Variants in DPH6 observed in about 807,000 individuals in gnomAD.
DPH6 encodes the protein diphthine--ammonia ligase.
In DPH6, 33 loss-of-function variants were observed where a neutral mutation model predicts 38.2. That is an observed-to-expected ratio of 0.86 (90% CI 0.65 to 1.15). DPH6 has a LOEUF of 1.15. DPH6 is among the 50% of genes most tolerant of loss of function. DPH6 has a pLI of 0.00. For synonymous variants in DPH6, 108 were observed against 103.0 expected (o/e 1.05, Z -0.30); for missense variants, 325 against 320.0 (o/e 1.02, Z -0.12).
At chr15:35,318,322 A>G (rs2052210915) in intron 3 of DPH6, among the ~76,000 whole-genome samples, 1 of 152,166 alleles carries the variant, frequency 6.6e-6, no homozygotes, top group African/African-American at 2.4e-5. Context: ...TTGATTTCAC[A>G]TATCTTCAAA....
At chr15:35,325,567 A>G (rs2052275802) in intron 3 of DPH6, among the ~76,000 whole-genome samples, 1 of 152,160 alleles carries the variant, frequency 6.6e-6, no homozygotes, top group Non-Finnish European at 1.5e-5. Context: ...ATCCATAAAA[A>G]TCAGCTGGGG....
At chr15:35,223,241 A>G (rs1397307382) in intron 3 of DPH6, among the ~76,000 whole-genome samples, 1 of 152,160 alleles carries the variant, frequency 6.6e-6, no homozygotes, top group Non-Finnish European at 1.5e-5. Context: ...ATGGTAGAAG[A>G]GCAAAAAGAG....
At chr15:35,504,959 C>T (rs1211706263) in intron 3 of DPH6, among the ~76,000 whole-genome samples, 1 of 152,024 alleles carries the variant, frequency 6.6e-6, no homozygotes, top group African/African-American at 2.4e-5. Flanking sequence ...CATGAATAGC[C>T]ATCAAATTAT....
downstream of DPH6, among the ~76,000 whole-genome samples, chr15:35,216,408 T>C (rs565293889): frequency 7.9e-5 from 12 of 152,222 alleles, no homozygotes; most frequent in Non-Finnish European, 1.6e-4. Flanking sequence ...TAATTTTTTC[T>C]TCAACTCTGA....
chr15:35,520,220 C>CAAAAA (rs1353792195), intron 3 of DPH6: 16 of 445,196 alleles, frequency 3.6e-5, no homozygotes, highest in Admixed American at 4.6e-4. Flanking sequence ...AAACATGCTA[C>CAAAAA]AAAAAAAAAC....
intron 5 of DPH6, among the ~76,000 whole-genome samples, chr15:35,447,253 T>A (rs1331589484): frequency 2.6e-5 from 4 of 152,150 alleles, no homozygotes; most frequent in Non-Finnish European, 5.9e-5. Flanking sequence ...GCATCAAATT[T>A]GAGAGAGATA....
chr15:35,529,886 C>T (rs187649709), intron 3 of DPH6, among the ~76,000 whole-genome samples: 23 of 151,772 alleles, frequency 1.5e-4, no homozygotes, highest in Non-Finnish European at 2.2e-4. Flanking sequence ...CCTATTAAAC[C>T]ATTTCTAACC....
chr15:35,355,506 G>A (rs1352201058), intron 3 of DPH6, among the ~76,000 whole-genome samples: 2 of 152,122 alleles, frequency 1.3e-5, no homozygotes, highest in African/African-American at 4.8e-5. Context: ...CTCAGCCTTT[G>A]CTTGTCTGTA....
At chr15:35,153,920 C>A in the DPH6 span, among the ~76,000 whole-genome samples, 1 of 151,974 alleles carries the variant, frequency 6.6e-6, no homozygotes, top group African/African-American at 2.4e-5. Flanking sequence ...ATAAAGAAAA[C>A]CAAGGAAATT....
At chr15:35,156,527 G>A in the DPH6 span, among the ~76,000 whole-genome samples, 4 of 152,076 alleles carry the variant, frequency 2.6e-5, no homozygotes, top group Non-Finnish European at 5.9e-5. Flanking sequence ...CGGGGGTAAA[G>A]GGGGTAGAGG....
At chr15:35,285,889 T>TTTTTTTTTTTTTTTTTTTA (rs1566859804) in intron 3 of DPH6, among the ~76,000 whole-genome samples, 6 of 144,386 alleles carry the variant, frequency 4.2e-5, no homozygotes, top group Admixed American at 7.0e-5. Context: ...TTTTTTTTTT[T>TTTTTTTTTTTTTTTTTTTA]ACCTGAGACC....
chr15:35,180,827 T>C, the DPH6 span, among the ~76,000 whole-genome samples: 1 of 152,192 alleles, frequency 6.6e-6, no homozygotes, highest in Admixed American at 6.5e-5. Context: ...TCTTGTCCTT[T>C]TAAATCAATA....
At chr15:35,174,967 G>A in the DPH6 span, among the ~76,000 whole-genome samples, 3 of 152,070 alleles carry the variant, frequency 2.0e-5, no homozygotes, top group East Asian at 1.9e-4. Flanking sequence ...TTAAACATCT[G>A]TATTTATGTT....
At chr15:35,380,953 G>T (rs1050593780) in intron 7 of DPH6, among the ~76,000 whole-genome samples, 1 of 152,146 alleles carries the variant, frequency 6.6e-6, no homozygotes, top group Non-Finnish European at 1.5e-5. Context: ...ATGAAAGCAA[G>T]AGTGCATGAA....
intron 3 of DPH6, among the ~76,000 whole-genome samples, chr15:35,528,981 T>C (rs961404880): frequency 6.6e-6 from 1 of 152,148 alleles, no homozygotes; most frequent in African/African-American, 2.4e-5. Context: ...CCTCAAACTT[T>C]AAACCCTAAA....
At chr15:35,441,456 T>C (rs2053786698) in intron 5 of DPH6, among the ~76,000 whole-genome samples, 2 of 152,320 alleles carry the variant, frequency 1.3e-5, no homozygotes, top group South Asian at 4.1e-4. Flanking sequence ...GTGGCACATA[T>C]ACAGCATGGA....
intron 3 of DPH6, among the ~76,000 whole-genome samples, chr15:35,475,183 T>G (rs1254914962): frequency 6.6e-6 from 1 of 151,936 alleles, no homozygotes; most frequent in Non-Finnish European, 1.5e-5. Flanking sequence ...AGAGTAAGAG[T>G]TAAACAATAC....
chr15:35,223,805 A>G (rs1239705529), intron 3 of DPH6, among the ~76,000 whole-genome samples: 1 of 152,022 alleles, frequency 6.6e-6, no homozygotes, highest in Non-Finnish European at 1.5e-5. Flanking sequence ...TTATAGTTTC[A>G]CCCTTTGTGT....
intron 3 of DPH6, chr15:35,298,666 G>A: frequency 7.0e-7 from 1 of 1,421,950 alleles, no homozygotes; most frequent in Non-Finnish European, 9.9e-7. Context: ...AAAAGGCGGT[G>A]CTCAGCCCCT....
Sources: allele counts gnomAD v4.1 joint callset (sites outside exome capture counted in the v4.1 genomes callset), GRCh38; gene constraint gnomAD v4.1.1; transcripts MANE v1.5; gene names NCBI Gene and HGNC (gene_info 2026-07-23, HGNC 2026-07-21).